BMAL2: variants seen among roughly 807,000 people sequenced by gnomAD.
BMAL2 encodes basic helix-loop-helix ARNT-like protein 2.
the BMAL2 span, chr12:27,368,496 T>C: frequency 6.7e-7 from 1 of 1,486,346 alleles, no homozygotes; most frequent in Non-Finnish European, 9.2e-7. Context: ...TCATTAATTA[T>C]TTCCAAGTTC....
chr12:27,387,160 G>A, the BMAL2 span: 5 of 973,478 alleles, frequency 5.1e-6, no homozygotes, highest in Middle Eastern at 2.1e-4. Flanking sequence ...CTGAATGTGT[G>A]TGTGTGTGTG....
At chr12:27,423,292 A>G in the BMAL2 span, 1 of 151,752 alleles carries the variant, frequency 6.6e-6, no homozygotes, top group Non-Finnish European at 1.5e-5. Flanking sequence ...AAAGTATCAT[A>G]AAAACAGTAC....
the BMAL2 span, among the ~76,000 whole-genome samples, chr12:27,412,213 A>G: frequency 0.77 from 117,014 of 152,120 alleles, 45,278 homozygotes; most frequent in Middle Eastern, 0.9. Flanking sequence ...AACATTGACA[A>G]CTGGGTACTA....
chr12:27,385,514 G>T, the BMAL2 span: 4 of 1,606,706 alleles, frequency 2.5e-6, no homozygotes, highest in Admixed American at 5.0e-5. Flanking sequence ...AGTAATTATA[G>T]ACCATCATTT....
the BMAL2 span, among the ~76,000 whole-genome samples, chr12:27,413,230 ATACTC>A: frequency 6.6e-6 from 1 of 152,370 alleles, no homozygotes. Flanking sequence ...CAAATTCAAA[ATACTC>A]TAATACTGTA....
At chr12:27,339,151 C>T in the BMAL2 span, among the ~76,000 whole-genome samples, 40 of 152,246 alleles carry the variant, frequency 2.6e-4, no homozygotes, top group African/African-American at 9.4e-4. Flanking sequence ...GTGTTGGTTC[C>T]CTCTGTATGT....
At chr12:27,368,511 T>TA in the BMAL2 span, 1 of 1,431,210 alleles carries the variant, frequency 7.0e-7, no homozygotes, top group Non-Finnish European at 9.6e-7. Context: ...AAGTTCATGG[T>TA]AACATTTGGA....
At chr12:27,410,969 G>A in the BMAL2 span, among the ~76,000 whole-genome samples, 7 of 152,064 alleles carry the variant, frequency 4.6e-5, no homozygotes, top group African/African-American at 1.7e-4. Context: ...TGTGGAAAAT[G>A]TGTGGATTTC....
At chr12:27,423,490 C>T in the BMAL2 span, 1 of 152,060 alleles carries the variant, frequency 6.6e-6, no homozygotes, top group Admixed American at 6.6e-5. Context: ...CCACACCTGG[C>T]TAATTTTGCT....
chr12:27,355,240 C>G, the BMAL2 span, among the ~76,000 whole-genome samples: 1 of 152,124 alleles, frequency 6.6e-6, no homozygotes, highest in South Asian at 2.1e-4. Context: ...TCCTCTCCTC[C>G]CCATCCCCTG....
chr12:27,417,275 A>C, the BMAL2 span, among the ~76,000 whole-genome samples: 1 of 152,186 alleles, frequency 6.6e-6, no homozygotes, highest in African/African-American at 2.4e-5. Flanking sequence ...CAGTAACAGC[A>C]TTTGGTTTAA....
chr12:27,409,277 A>G, the BMAL2 span, among the ~76,000 whole-genome samples: 3 of 152,168 alleles, frequency 2.0e-5, no homozygotes, highest in African/African-American at 4.8e-5. Flanking sequence ...AAAAGAGCCC[A>G]CATTGCCAAG....
At chr12:27,424,146 G>A in the BMAL2 span, 5 of 151,930 alleles carry the variant, frequency 3.3e-5, no homozygotes, top group African/African-American at 1.2e-4. Context: ...TTATACATGT[G>A]GCTCAGATTA....
the BMAL2 span, among the ~76,000 whole-genome samples, chr12:27,383,589 C>T: frequency 7.2e-5 from 11 of 152,138 alleles, no homozygotes; most frequent in African/African-American, 1.2e-4. Context: ...TGTACACCGA[C>T]GGGGTTTCCC....
At chr12:27,359,145 CT>C in the BMAL2 span, among the ~76,000 whole-genome samples, 1 of 152,104 alleles carries the variant, frequency 6.6e-6, no homozygotes, top group South Asian at 2.1e-4. Context: ...AATCAAGTGT[CT>C]TTTTTCTTCT....
chr12:27,406,512 AG>A, the BMAL2 span, among the ~76,000 whole-genome samples: 1 of 152,230 alleles, frequency 6.6e-6, no homozygotes, highest in Non-Finnish European at 1.5e-5. Context: ...TAAGTGAAAG[AG>A]GAATAAAATA....
chr12:27,405,968 C>T, the BMAL2 span, among the ~76,000 whole-genome samples: 4 of 152,070 alleles, frequency 2.6e-5, no homozygotes, highest in East Asian at 7.7e-4. Flanking sequence ...GTAGCCAATT[C>T]GATCAACTGG....
At chr12:27,336,021 T>TC in the BMAL2 span, among the ~76,000 whole-genome samples, 1 of 152,206 alleles carries the variant, frequency 6.6e-6, no homozygotes, top group Admixed American at 6.5e-5. Context: ...TTTTGAAATC[T>TC]CCATTTGTGT....
chr12:27,409,664 C>A, the BMAL2 span, among the ~76,000 whole-genome samples: 2 of 152,112 alleles, frequency 1.3e-5, no homozygotes, highest in African/African-American at 2.4e-5. Flanking sequence ...CTAGGCATAC[C>A]ATTCAGGACA....
Sources: allele counts gnomAD v4.1 joint callset (sites outside exome capture counted in the v4.1 genomes callset), GRCh38; gene constraint gnomAD v4.1.1; transcripts MANE v1.5; gene names NCBI Gene and HGNC (gene_info 2026-07-23, HGNC 2026-07-21).